Variants in BMPR1A observed in about 807,000 individuals in gnomAD.
The protein encoded by BMPR1A is bone morphogenetic protein receptor type-1A.
A neutral mutation model predicts 66.0 loss-of-function variants in BMPR1A; 7 were observed. The ratio of observed to expected loss-of-function variants is 0.11; its 90% confidence interval spans 0.06 to 0.20. The LOEUF is 0.20. Ranked by LOEUF, BMPR1A falls within the 10% of genes least tolerant of loss-of-function variation. The probability of loss-of-function intolerance (pLI) is 1.00; values close to 1 mark genes in which losing one functional copy is unlikely to be tolerated. For synonymous variants in BMPR1A, 200 were observed against 229.7 expected (o/e 0.87, Z 1.17); for missense variants, 408 against 669.1 (o/e 0.61, Z 4.31).
intron 1 of BMPR1A, among the ~76,000 whole-genome samples, chr10:86,765,342 C>A (rs1270940951): frequency 6.6e-6 from 1 of 151,558 alleles, no homozygotes; most frequent in East Asian, 1.9e-4. Flanking sequence ...AAAAATTAGC[C>A]GGGTGTGGTG....
chr10:86,914,665 A>G (rs755466063), intron 8 of BMPR1A, among the ~76,000 whole-genome samples: 1 of 152,228 alleles, frequency 6.6e-6, no homozygotes, highest in Non-Finnish European at 1.5e-5. Context: ...ACACAGTAAG[A>G]TACTACTGCA....
At chr10:86,859,048 C>T (rs1482984079) in intron 2 of BMPR1A, among the ~76,000 whole-genome samples, 1 of 152,162 alleles carries the variant, frequency 6.6e-6, no homozygotes, top group African/African-American at 2.4e-5. Context: ...GTAACTGAAA[C>T]AGCATGGTAC....
rs1165795943 is a variant in BMPR1A at position 86,766,772 on chromosome 10, A to AT, written c.-268+9862dup. On this transcript the variant is annotated intron_variant, in intron 1 of 12. Coordinates refer to ENST00000372037, the MANE Select transcript of BMPR1A (RefSeq NM_004329.3). The stretch of plus-strand genomic sequence containing the variant: ...AGGCGCCCGCCATCACACCTGGCTA[A>AT]TTTTTTTTTGTATTTTTAGTGGAGA... Among the ~76,000 whole-genome samples the AT allele has an allele frequency of 5.1e-4, 76 of 148,734 alleles. No homozygotes were observed. In the East Asian group the frequency reaches 0.013, roughly 25 times the overall value.
intron 3 of BMPR1A, among the ~76,000 whole-genome samples, chr10:86,883,450 T>C (rs1843019988): frequency 6.9e-6 from 1 of 144,960 alleles, no homozygotes; most frequent in African/African-American, 2.6e-5. Context: ...CTCAGGAGGC[T>C]GAGGCAGGAG....
In BMPR1A at chr10:86,921,532, A is replaced by G; in HGVS notation, c.1179A>G (p.Glu393=). ...TCTTTTGTTTCAGTGACACAAATGA[A>G]GTTGATGTGCCCTTGAATACCAGGG... is the stretch of plus-strand genomic sequence containing the variant. ...LAVKFNSDTN[E]VDVPLNTRVG... is the part of the protein sequence containing the mutation. The change falls in exon 11 of 13, where the codon GAA becomes GAG. Residue 393 remains glutamate (E), a synonymous_variant. Transcript: ENST00000372037. 6.2e-7 allele frequency: 1 copy of G among 1,614,046 alleles called. No individual in the cohort carries two copies. Among genetic ancestry groups the G allele is most frequent in the Non-Finnish European group, 8.5e-7 (1 of 1,179,930 alleles).
At position 86,786,747 on chromosome 10, in the gene BMPR1A, T is replaced by C. The variant is rs543726349; in HGVS notation, c.-268+29828T>C. ...GCCGCTTCTTTGAAATGCAGACTTA[T>C]GTTCCACCTGGATGTCTAATAGGCA... On this transcript the variant is annotated intron_variant, in intron 1 of 12. Transcript: ENST00000372037. 2.0e-5 allele frequency among the ~76,000 whole-genome samples: 3 copies of C among 152,360 alleles called. No individual in the cohort carries two copies. In the South Asian group the frequency reaches 6.2e-4, roughly 32 times the overall value.
At chr10:86,921,003 G>A (rs867198383) in intron 10 of BMPR1A, among the ~76,000 whole-genome samples, 5 of 151,832 alleles carry the variant, frequency 3.3e-5, no homozygotes, top group Non-Finnish European at 2.9e-5. Flanking sequence ...TTATAGTCAT[G>A]TGCCACCAAC....
chr10:86,774,917 A>T (rs1000103588), intron 1 of BMPR1A, among the ~76,000 whole-genome samples: 4 of 152,226 alleles, frequency 2.6e-5, no homozygotes, highest in African/African-American at 9.6e-5. Flanking sequence ...AACCTTCCTC[A>T]ACCTGATAAA....
intron 2 of BMPR1A, among the ~76,000 whole-genome samples, chr10:86,839,481 C>T (rs1251135251): frequency 2.7e-5 from 4 of 150,924 alleles, no homozygotes; most frequent in Non-Finnish European, 5.9e-5. Context: ...TGATCCCAGC[C>T]ACCTGGGAGG....
chr10:86,917,170 C>T lies in BMPR1A; in HGVS notation c.712C>T (p.Arg238Trp), dbSNP rs747728399. Residue 238 changes from arginine to tryptophan, a missense_variant, in exon 9 of 13, where the codon CGG becomes TGG. Arg to Trp is a moderately radical substitution (Grantham distance 101, BLOSUM62 -3). Around this residue, in one of 5 missense-constraint regions of BMPR1A, gnomAD observed 174 missense variants for 265.1 expected, o/e 0.66. Coordinates refer to ENST00000372037, the MANE Select transcript of BMPR1A (RefSeq NM_004329.3). Reference protein sequence around the residue: ...RTIAKQIQMVRQVGKGRYGEV... With the variant: ...RTIAKQIQMVWQVGKGRYGEV... ...TATTGCCAAACAGATTCAGATGGTC[C>T]GGCAAGTTGGTAAAGGCCGATATGG... 1.4e-5 allele frequency: 22 copies of T among 1,613,838 alleles called. No homozygotes were observed. The highest frequency in any genetic ancestry group is 2.7e-5 in the African/African-American group (2 of 74,840).
intron 2 of BMPR1A, among the ~76,000 whole-genome samples, chr10:86,850,100 C>T (rs2079528523): frequency 6.6e-6 from 1 of 152,050 alleles, no homozygotes. Context: ...GTGGGTGGAT[C>T]ACTTGAGGTC....
chr10:86,919,101 C>T, intron 9 of BMPR1A, 71 bp from the exon 10 acceptor site: 14 of 1,569,810 alleles, frequency 8.9e-6, no homozygotes, highest in Non-Finnish European at 1.2e-5. Flanking sequence ...TCTCAGTATC[C>T]AGAATGAGCA....
chr10:86,879,642 G>A (rs997192095), intron 3 of BMPR1A, among the ~76,000 whole-genome samples: 1 of 152,176 alleles, frequency 6.6e-6, no homozygotes, highest in Non-Finnish European at 1.5e-5. Flanking sequence ...CCTTTTCAAA[G>A]GGTTCTATAC....
chr10:86,766,617 C>CTTTTTTTTTT lies in BMPR1A; in HGVS notation c.-268+9705_-268+9714dup, dbSNP rs71019427. Among the ~76,000 whole-genome samples the CTTTTTTTTTT allele has an allele frequency of 1.3e-3, 174 of 131,222 alleles. 4 individuals are homozygous for CTTTTTTTTTT. Among genetic ancestry groups the CTTTTTTTTTT allele is most frequent in the African/African-American group, 4.6e-3 (144 of 31,608 alleles). The allele number at this position is 131,222 out of a possible 152,430, so 86.1% of individuals were successfully genotyped here. ...CTCCTCCCAACATAATCATATCAGT[C>CTTTTTTTTTT]TTTTTTTTTTTTTTTTGAGACGGAG... On this transcript the variant is annotated intron_variant, in intron 1 of 12. Transcript: ENST00000372037.
At chr10:86,818,664 A>G (rs2132987539) in intron 1 of BMPR1A, among the ~76,000 whole-genome samples, 1 of 152,346 alleles carries the variant, frequency 6.6e-6, no homozygotes, top group East Asian at 1.9e-4. Context: ...TTTATTATTG[A>G]AAAACTCAGA....
At chr10:86,837,534 T>C (rs186194912) in intron 1 of BMPR1A, among the ~76,000 whole-genome samples, 175 of 152,334 alleles carry the variant, frequency 1.1e-3, no homozygotes, top group African/African-American at 4.2e-3. Context: ...AAAATCTCTT[T>C]ATGCCATTTC....
chr10:86,756,383 T>C (rs1332692008), upstream of BMPR1A: 3 of 151,900 alleles, frequency 2.0e-5, no homozygotes, highest in Non-Finnish European at 4.4e-5. Context: ...GGCGCCCCCT[T>C]GCCGGCGGCT....
intron 2 of BMPR1A, among the ~76,000 whole-genome samples, chr10:86,845,696 T>TTATCACTAAATCACTAAAA (rs1189183918): frequency 6.6e-6 from 1 of 152,164 alleles, no homozygotes; most frequent in Non-Finnish European, 1.5e-5. Flanking sequence ...TGGCTGATTA[T>TTATCACTAAATCACTAAAA]GATCACTAAA....
At chr10:86,818,657 A>G (rs764776515) in intron 1 of BMPR1A, among the ~76,000 whole-genome samples, 2 of 152,196 alleles carry the variant, frequency 1.3e-5, no homozygotes, top group Non-Finnish European at 1.5e-5. Context: ...AGTACTATTT[A>G]TTATTGAAAA....
Sources: gnomAD v4.1 joint callset for allele counts (sites outside exome capture counted in the v4.1 genomes callset) on GRCh38, gnomAD v4.1.1 for gene constraint, gnomAD v4.1.1 regional missense constraint, MANE v1.5 for transcripts, NCBI Gene and HGNC (gene_info 2026-07-23, HGNC 2026-07-21) for gene names.